WDR82: variants seen among roughly 807,000 people sequenced by gnomAD.
WDR82 encodes the protein WD repeat-containing protein 82.
A neutral mutation model predicts 36.1 loss-of-function variants in WDR82; 8 were observed. The ratio of observed to expected loss-of-function variants is 0.22; its 90% CI spans 0.13 to 0.40. The LOEUF (loss-of-function observed/expected upper bound fraction) is 0.40, where lower values mean the gene tolerates loss of function less well. Ranked by LOEUF, WDR82 falls within the 10% of genes least tolerant of loss-of-function variation. WDR82 has a pLI of 1.00. For missense variants in WDR82, 185 were observed against 400.5 expected (o/e 0.46, Z 4.59); for synonymous variants, 129 against 137.8 (o/e 0.94, Z 0.45).
chr3:52,264,877 A>G (rs767477193), intron 3 of WDR82, among the ~76,000 whole-genome samples: 26 of 151,986 alleles, frequency 1.7e-4, no homozygotes, highest in Non-Finnish European at 3.5e-4. Context: ...TGCAGCCTCA[A>G]CCTCCCAGAC....
chr3:52,271,480 A>C (rs1700153448), intron 1 of WDR82, among the ~76,000 whole-genome samples: 1 of 152,172 alleles, frequency 6.6e-6, no homozygotes, highest in South Asian at 2.1e-4. Context: ...TTGGGAAGAA[A>C]GGCACACAAA....
intron 4 of WDR82, 50 bp downstream of exon 4, chr3:52,261,330 G>T: frequency 6.7e-7 from 1 of 1,502,566 alleles, no homozygotes; most frequent in Non-Finnish European, 9.2e-7. Flanking sequence ...GTTCATTACA[G>T]TGCCTACCAA....
intron 4 of WDR82, among the ~76,000 whole-genome samples, chr3:52,260,818 A>G (rs1700054740): frequency 2.0e-5 from 3 of 152,242 alleles, no homozygotes; most frequent in Admixed American, 1.3e-4. Context: ...TGAAGCTAAA[A>G]GCTCTAGGAA....
chr3:52,258,455 G>A (rs1415336278), intron 8 of WDR82, 81 bp downstream of exon 8: 2 of 1,527,884 alleles, frequency 1.3e-6, no homozygotes, highest in African/African-American at 2.7e-5. Context: ...GTAGAACACA[G>A]CTTGCTGTGC....
chr3:52,257,661 C>G (rs1700023287), intron 8 of WDR82, 142 bp from the exon 9 acceptor site: 1 of 823,764 alleles, frequency 1.2e-6, no homozygotes, highest in East Asian at 2.7e-5. Context: ...AACCCCGATG[C>G]TCTAAGGAGA....
intron 8 of WDR82, 52 bp downstream of exon 8, chr3:52,258,484 C>T: frequency 6.2e-7 from 1 of 1,610,116 alleles, no homozygotes; most frequent in Non-Finnish European, 8.5e-7. Context: ...GCACCCACCA[C>T]CCCAACTGGG....
At chr3:52,257,836 G>A (rs1700026857) in intron 8 of WDR82, among the ~76,000 whole-genome samples, 1 of 151,870 alleles carries the variant, frequency 6.6e-6, no homozygotes, top group Admixed American at 6.6e-5. Context: ...TGTCCTCATT[G>A]CTAATCCACC....
chr3:52,259,947 C>T (rs763848733), intron 5 of WDR82, 75 bp from the exon 6 acceptor site: 47 of 1,491,282 alleles, frequency 3.2e-5, no homozygotes, highest in Non-Finnish European at 4.1e-5. Flanking sequence ...CATCCTATTC[C>T]TTTAGATTAC....
intron 1 of WDR82, among the ~76,000 whole-genome samples, chr3:52,271,470 T>C (rs1325506613): frequency 6.6e-6 from 1 of 152,154 alleles, no homozygotes; most frequent in Non-Finnish European, 1.5e-5. Context: ...GTACATCTAC[T>C]TGGGAAGAAA....
intron 1 of WDR82, 70 bp downstream of exon 1, chr3:52,278,131 C>G: frequency 7.1e-7 from 1 of 1,405,702 alleles, no homozygotes; most frequent in South Asian, 1.6e-5. Flanking sequence ...GGAGGGCAGG[C>G]CGAGGGACCT....
intron 2 of WDR82, 93 bp downstream of exon 2, chr3:52,270,618 TA>T: frequency 1.1e-6 from 1 of 920,616 alleles, no homozygotes. Flanking sequence ...ATACTTAAAC[TA>T]AAGTAGTCAC....
chr3:52,277,065 A>AAATAATACT (rs1553619919), intron 1 of WDR82, among the ~76,000 whole-genome samples: 2 of 141,022 alleles, frequency 1.4e-5, no homozygotes, highest in African/African-American at 5.2e-5. Context: ...CCAAGATCTC[A>AAATAATACT]AATAATAATA....
At chr3:52,262,736 A>G (rs1388562690) in intron 3 of WDR82, among the ~76,000 whole-genome samples, 2 of 152,220 alleles carry the variant, frequency 1.3e-5, no homozygotes, top group African/African-American at 2.4e-5. Context: ...TTTTCTTCCA[A>G]TGTAACTCAA....
chr3:52,263,902 G>A (rs1700082497), intron 3 of WDR82, among the ~76,000 whole-genome samples: 1 of 152,246 alleles, frequency 6.6e-6, no homozygotes, highest in African/African-American at 2.4e-5. Context: ...AGTGGCTCAT[G>A]CCTGTAATCC....
At position 52,278,326 on chromosome 3, in the gene WDR82, G is replaced by A. The variant is rs202089647; in HGVS notation, c.36C>T (p.Arg12=). ...KLTDSVLRSF[R]VAKVFRENSD... The stretch of plus-strand genomic sequence containing the variant: ...AGTTTTCGCGGAACACCTTAGCGAC[G>A]CGGAAGCTCCGCAACACGCTGTCGG... Residue 12 remains arginine (R), a synonymous_variant, in exon 1 of 9, where the codon CGC becomes CGT. Coordinates refer to ENST00000296490, the MANE Select transcript of WDR82 (RefSeq NM_025222.4). 1.6e-5 allele frequency: 25 copies of A among 1,599,038 alleles called. No individual in the cohort carries two copies. The highest frequency in any genetic ancestry group is 1.6e-4 in the Admixed American group (9 of 57,680).
chr3:52,277,845 C>A (rs1403293168), intron 1 of WDR82, among the ~76,000 whole-genome samples: 1 of 152,170 alleles, frequency 6.6e-6, no homozygotes, highest in Non-Finnish European at 1.5e-5. Flanking sequence ...CCGGAGCAGA[C>A]CAGCACCTTT....
chr3:52,278,131 C>T (rs1248651352), intron 1 of WDR82, 70 bp downstream of exon 1: 3 of 1,405,586 alleles, frequency 2.1e-6, no homozygotes, highest in South Asian at 1.6e-5. Context: ...GGAGGGCAGG[C>T]CGAGGGACCT....
At chr3:52,270,397 C>T (rs73835769) in intron 2 of WDR82, among the ~76,000 whole-genome samples, 2,417 of 152,262 alleles carry the variant, frequency 0.016, 88 homozygotes, top group African/African-American at 0.055. Context: ...GGATTATAGG[C>T]GCGAGCCCCT....
chr3:52,275,835 GATC>G (rs1700198509), intron 1 of WDR82, among the ~76,000 whole-genome samples: 2 of 152,302 alleles, frequency 1.3e-5, no homozygotes, highest in South Asian at 4.1e-4. Flanking sequence ...AGTGAGCCAA[GATC>G]ACGCCACTGC....
Sources: allele counts gnomAD v4.1 joint callset (sites outside exome capture counted in the v4.1 genomes callset), GRCh38; gene constraint gnomAD v4.1.1; transcripts MANE v1.5; gene names NCBI Gene and HGNC (gene_info 2026-07-23, HGNC 2026-07-21).